Variants in RAPGEF4 observed in about 807,000 individuals in gnomAD.
The protein encoded by RAPGEF4 is RAP guanine-nucleotide-exchange factor (GEF) 4.
Under a neutral mutation model 147.9 loss-of-function variants are expected in RAPGEF4, and 66 were observed. That is an observed-to-expected ratio of 0.45 (90% CI 0.37 to 0.55). RAPGEF4 has a LOEUF of 0.55. Among genes scored for constraint, RAPGEF4 ranks in the 20% least tolerant of loss-of-function variants. The probability of loss-of-function intolerance (pLI) is 0.00; values close to 1 mark genes in which losing one functional copy is unlikely to be tolerated. For missense variants in RAPGEF4, 1,071 were observed against 1,257.3 expected (o/e 0.85, Z 2.24); for synonymous variants, 419 against 442.7 (o/e 0.95, Z 0.67).
At chr2:172,873,388 A>G (rs1485932396) in intron 4 of RAPGEF4, among the ~76,000 whole-genome samples, 1 of 152,222 alleles carries the variant, frequency 6.6e-6, no homozygotes, top group Non-Finnish European at 1.5e-5. Flanking sequence ...GAAAGCCAAG[A>G]CATTTTAACT....
At chr2:173,020,932 T>G (rs750315634) in intron 23 of RAPGEF4, among the ~76,000 whole-genome samples, 1 of 152,240 alleles carries the variant, frequency 6.6e-6, no homozygotes, top group Non-Finnish European at 1.5e-5. Context: ...GCACCACTAT[T>G]AGGGCATAAT....
intron 6 of RAPGEF4, among the ~76,000 whole-genome samples, chr2:172,932,894 G>A (rs13031540): frequency 0.37 from 56,868 of 151,672 alleles, 11,379 homozygotes; most frequent in Middle Eastern, 0.49. Flanking sequence ...TTCTAGATTG[G>A]GTTATGACAA....
At chr2:172,747,446 C>A (rs1044432449) in intron 1 of RAPGEF4, among the ~76,000 whole-genome samples, 1 of 152,004 alleles carries the variant, frequency 6.6e-6, no homozygotes, top group Non-Finnish European at 1.5e-5. Flanking sequence ...ATCTCCTGAA[C>A]GTATTCATCT....
intron 4 of RAPGEF4, among the ~76,000 whole-genome samples, chr2:172,889,384 C>T (rs886792243): frequency 6.6e-6 from 1 of 152,064 alleles, no homozygotes; most frequent in East Asian, 1.9e-4. Context: ...AACAAAGAGT[C>T]GTATTTGCTT....
intron 3 of RAPGEF4, among the ~76,000 whole-genome samples, chr2:172,799,269 G>A (rs1406054220): frequency 6.6e-6 from 1 of 152,096 alleles, no homozygotes; most frequent in Non-Finnish European, 1.5e-5. Context: ...TCATTTTACA[G>A]ATGAGAAAAC....
At chr2:172,988,138 A>C in intron 12 of RAPGEF4, 58 bp from the exon 13 acceptor site, 1 of 1,533,690 alleles carries the variant, frequency 6.5e-7, no homozygotes. Flanking sequence ...GATAAGCTGT[A>C]ATTTATATTG....
intron 10 of RAPGEF4, among the ~76,000 whole-genome samples, chr2:172,968,772 C>A (rs1690139830): frequency 6.6e-6 from 1 of 152,180 alleles, no homozygotes; most frequent in Admixed American, 6.5e-5. Flanking sequence ...TTTCTCTGCC[C>A]TGAAGGATCA....
chr2:172,836,577 C>G (rs941312463), intron 4 of RAPGEF4, among the ~76,000 whole-genome samples: 1 of 152,196 alleles, frequency 6.6e-6, no homozygotes, highest in Admixed American at 6.5e-5. Context: ...CTTCCTCCCC[C>G]AAATGGAGCA....
intron 4 of RAPGEF4, among the ~76,000 whole-genome samples, chr2:172,886,995 G>A (rs1050902668): frequency 3.9e-5 from 6 of 151,962 alleles, no homozygotes; most frequent in East Asian, 1.9e-4. Context: ...TGACACCAAC[G>A]TGGCCAACAT....
At chr2:172,750,450 T>C (rs1695177295) in intron 1 of RAPGEF4, among the ~76,000 whole-genome samples, 1 of 151,992 alleles carries the variant, frequency 6.6e-6, no homozygotes, top group Non-Finnish European at 1.5e-5. Flanking sequence ...GTGAGACTTA[T>C]CCACTACCAC....
chr2:172,917,110 C>T (rs1263713296), intron 4 of RAPGEF4, among the ~76,000 whole-genome samples: 1 of 152,144 alleles, frequency 6.6e-6, no homozygotes, highest in Non-Finnish European at 1.5e-5. Flanking sequence ...AAGCCTTATC[C>T]CTCCTAAACA....
intron 4 of RAPGEF4, among the ~76,000 whole-genome samples, chr2:172,905,609 C>T (rs1699543825): frequency 6.6e-6 from 1 of 152,182 alleles, no homozygotes; most frequent in Non-Finnish European, 1.5e-5. Context: ...GTAGTGTCAT[C>T]CCAGTTGGGC....
At chr2:172,834,323 T>C (rs1051628578) in intron 4 of RAPGEF4, among the ~76,000 whole-genome samples, 14 of 152,146 alleles carry the variant, frequency 9.2e-5, no homozygotes, top group African/African-American at 3.4e-4. Flanking sequence ...TCTAGTAAAA[T>C]GGGATATAAT....
rs1684236850 is a variant in RAPGEF4, at chr2:172,917,814, T to A, written c.457T>A (p.Tyr153Asn). 6.2e-7 allele frequency: 1 copy of A among 1,613,184 alleles called. No individual in the cohort carries two copies. Among genetic ancestry groups the A allele is most frequent in the African/African-American group, 1.3e-5 (1 of 74,910 alleles). Reference protein sequence around the residue: ...FKALWEKYRQYMAGLLAPPYG... With the variant: ...FKALWEKYRQNMAGLLAPPYG... ...TCTTGTCTTTCAGAAATATCGACAGTATATGGCAGGACTTCTGGCTCCTCC... is the reference window on the plus strand; with the variant it reads ...TCTTGTCTTTCAGAAATATCGACAGAATATGGCAGGACTTCTGGCTCCTCC... The change falls in exon 5 of 31, where the codon TAT (tyrosine) becomes AAT (asparagine). Residue 153 changes from tyrosine (Y) to asparagine (N), a missense_variant. Physicochemically the swap from Tyr to Asn is moderately radical, Grantham distance 143. Transcript: ENST00000397081.
chr2:173,030,133 T>A, intron 25 of RAPGEF4, 31 bp from the exon 26 acceptor site: 1 of 1,461,702 alleles, frequency 6.8e-7, no homozygotes, highest in African/African-American at 1.4e-5. Flanking sequence ...GAAGTAACAT[T>A]TTACTCAAAC....
At chr2:172,791,201 T>C (rs1685788505) in intron 1 of RAPGEF4, among the ~76,000 whole-genome samples, 1 of 152,186 alleles carries the variant, frequency 6.6e-6, no homozygotes, top group South Asian at 2.1e-4. Flanking sequence ...CCATGAGTTT[T>C]GAGGGACCAA....
At chr2:172,857,167 TGCGC>T (rs201878022) in intron 4 of RAPGEF4, among the ~76,000 whole-genome samples, 3 of 123,156 alleles carry the variant, frequency 2.4e-5, no homozygotes, top group Admixed American at 1.7e-4. Flanking sequence ...TACGCGCGTG[TGCGC>T]GCGCACACAC....
intron 4 of RAPGEF4, chr2:172,889,725 T>G (rs1276070055): frequency 5.4e-6 from 3 of 559,986 alleles, no homozygotes; most frequent in Non-Finnish European, 6.8e-6. Flanking sequence ...ATCACTAATC[T>G]GATTTGTTAC....
At chr2:172,915,766 A>G (rs6729880) in intron 4 of RAPGEF4, among the ~76,000 whole-genome samples, 2,217 of 151,444 alleles carry the variant, frequency 0.015, 59 homozygotes, top group African/African-American at 0.052. Flanking sequence ...GGGTAAGTGG[A>G]TAAATGTGTA....
Sources: gnomAD v4.1 joint callset for allele counts (sites outside exome capture counted in the v4.1 genomes callset) on GRCh38, gnomAD v4.1.1 for gene constraint, MANE v1.5 for transcripts, NCBI Gene and HGNC (gene_info 2026-07-23, HGNC 2026-07-21) for gene names.